DOCK4: variants seen among roughly 807,000 people sequenced by gnomAD.
DOCK4 encodes the protein dedicator of cytokinesis protein 4.
DOCK4 carries 97 observed loss-of-function variants against 268.1 expected under a neutral mutation model. The ratio of observed to expected loss-of-function variants is 0.36; its 90% CI spans 0.31 to 0.43. DOCK4 has a LOEUF of 0.43. Ranked by LOEUF, DOCK4 falls within the 20% of genes least tolerant of loss-of-function variation. The probability of loss-of-function intolerance (pLI) is 1.00; values close to 1 mark genes in which losing one functional copy is unlikely to be tolerated. For synonymous variants in DOCK4, 954 were observed against 887.2 expected, an observed-to-expected ratio of 1.08 and a Z score of -1.34; for missense variants, 2,145 against 2,455.7, an observed-to-expected ratio of 0.87 and a Z score of 2.67.
intron 27 of DOCK4, among the ~76,000 whole-genome samples, chr7:111,822,052 T>C (rs1586089944): frequency 6.6e-6 from 1 of 152,320 alleles, no homozygotes; most frequent in East Asian, 1.9e-4. Flanking sequence ...CATTACCTGC[T>C]GGTCTCTGTA....
chr7:112,091,826 C>G (rs184779955), intron 1 of DOCK4, among the ~76,000 whole-genome samples: 20 of 152,166 alleles, frequency 1.3e-4, no homozygotes, highest in African/African-American at 4.8e-4. Context: ...CCTGCACTTT[C>G]TGAAGGCATC....
intron 17 of DOCK4, among the ~76,000 whole-genome samples, chr7:111,872,844 G>A (rs563960133): frequency 1.3e-5 from 2 of 152,184 alleles, no homozygotes; most frequent in Admixed American, 6.5e-5. Context: ...CTGAAATCTC[G>A]AGCTAACTGT....
intron 27 of DOCK4, among the ~76,000 whole-genome samples, chr7:111,813,190 G>A (rs1334239423): frequency 6.6e-6 from 1 of 152,154 alleles, no homozygotes. Context: ...TGTAATGAGT[G>A]TGTGATATGG....
At chr7:111,841,839 A>G (rs1803721578) in intron 25 of DOCK4, among the ~76,000 whole-genome samples, 1 of 152,192 alleles carries the variant, frequency 6.6e-6, no homozygotes, top group African/African-American at 2.4e-5. Context: ...TACTTATTAC[A>G]CTGTATGGCC....
At chr7:111,960,320 C>T (rs1214651715) in intron 8 of DOCK4, among the ~76,000 whole-genome samples, 8 of 148,770 alleles carry the variant, frequency 5.4e-5, no homozygotes, top group Non-Finnish European at 1.0e-4. Flanking sequence ...GCCGAGATCG[C>T]GCCACTGCAC....
intron 1 of DOCK4, among the ~76,000 whole-genome samples, chr7:112,112,485 T>C (rs1016632709): frequency 6.6e-6 from 1 of 151,636 alleles, no homozygotes; most frequent in African/African-American, 2.4e-5. Flanking sequence ...CTACTAAAAA[T>C]ACAAAAAAAC....
chr7:111,746,123 G>A (rs1409360468), intron 44 of DOCK4, among the ~76,000 whole-genome samples: 1 of 152,144 alleles, frequency 6.6e-6, no homozygotes, highest in Non-Finnish European at 1.5e-5. Context: ...GTAACTGGCT[G>A]CCATAGTCTA....
chr7:112,009,109 G>GC (rs1328632787), intron 1 of DOCK4, among the ~76,000 whole-genome samples: 1 of 152,138 alleles, frequency 6.6e-6, no homozygotes. Context: ...ATTCTACTTG[G>GC]CACAGGTCAA....
At chr7:112,072,943 G>T (rs73210926) in intron 1 of DOCK4, among the ~76,000 whole-genome samples, 4,173 of 152,244 alleles carry the variant, frequency 0.027, 141 homozygotes, top group East Asian at 0.068. Context: ...CCCCTCCCAC[G>T]TGCTGGCAGG....
rs760972400 is a variant in DOCK4 at position 111,935,438 on chromosome 7, A to G, written c.1066+102T>C. The G allele has an allele frequency of 5.1e-6, 5 of 987,100 alleles. No homozygotes were observed. In the Admixed American group the frequency reaches 7.1e-5, roughly 14 times the overall value. The allele number at this position is 987,100 out of a possible 1,614,324, so 61.1% of individuals were successfully genotyped here. ...ATTTTTAAAGTTAGGGAGTGAATAG[A>G]CAGAAAAACAAAGGGCTGATAATTT... On this transcript the variant is annotated intron_variant, in intron 12 of 52. Transcript: ENST00000428084.
rs1802009448 is a variant in DOCK4, at chr7:112,018,177, A to AAAAAAAAAAAC, written c.38-14047_38-14046insGTTTTTTTTTT. Among the ~76,000 whole-genome samples, 2 of 82,406 alleles carry AAAAAAAAAAAC rather than the reference A, an allele frequency of 2.4e-5. 1 individual carries two copies. Among genetic ancestry groups the AAAAAAAAAAAC allele is most frequent in the Non-Finnish European group, 5.9e-5 (2 of 33,834 alleles). The allele number at this position is 82,406 out of a possible 152,430, so 54.1% of individuals were successfully genotyped here. On this transcript the variant is annotated intron_variant, in intron 1 of 52. Transcript: ENST00000428084. ...AAAAAAAAAAAAAAAAAAAAAAAAA[A>AAAAAAAAAAAC]AAACACAGGCAACCAGTATTCATGT...
At chr7:111,817,206 G>A (rs1034630644) in intron 27 of DOCK4, among the ~76,000 whole-genome samples, 7 of 152,194 alleles carry the variant, frequency 4.6e-5, no homozygotes, top group African/African-American at 1.4e-4. Flanking sequence ...AACTATTCAA[G>A]TTTGGCACAT....
intron 39 of DOCK4, among the ~76,000 whole-genome samples, chr7:111,764,176 C>T (rs563039449): frequency 1.3e-5 from 2 of 152,316 alleles, no homozygotes; most frequent in Admixed American, 6.5e-5. Context: ...ATCTGTTCCA[C>T]GTGATACTAA....
Position 111,945,748 on chromosome 7 carries a change from T to G in DOCK4, c.752A>C (p.Asp251Ala), listed in dbSNP as rs1272261315. 2 of 1,599,462 alleles carry G rather than the reference T, an allele frequency of 1.3e-6. No individual in the cohort carries two copies. The highest frequency in any genetic ancestry group is 3.4e-5 in the Admixed American group (2 of 58,248). ...LNRNGLPKAPDKPERHCSLFV... is the reference protein window; with the variant it reads ...LNRNGLPKAPAKPERHCSLFV... ...GAGGGAGCAATGTCGTTCCGGTTTATCAGGGGCTTTGGGAAGCCCGTTTCT... is the reference window on the plus strand; with the variant it reads ...GAGGGAGCAATGTCGTTCCGGTTTAGCAGGGGCTTTGGGAAGCCCGTTTCT... The change falls in exon 9 of 53, where the codon GAT becomes GCT. Residue 251 changes from aspartate (D) to alanine (A), a missense_variant. Around this residue, in one of 2 missense-constraint regions of DOCK4, gnomAD observed 1,598 missense variants for 1,986.7 expected, o/e 0.80. Coordinates refer to ENST00000428084, the MANE Select transcript of DOCK4 (RefSeq NM_001363540.2).
At chr7:111,829,776 G>A (rs1312220443) in intron 26 of DOCK4, among the ~76,000 whole-genome samples, 5 of 152,188 alleles carry the variant, frequency 3.3e-5, no homozygotes, top group Non-Finnish European at 5.9e-5. Context: ...TTGCTGTTTA[G>A]AGGTCTTCAC....
chr7:111,986,457 T>G (rs889853485), intron 6 of DOCK4, among the ~76,000 whole-genome samples: 1 of 152,202 alleles, frequency 6.6e-6, no homozygotes, highest in Non-Finnish European at 1.5e-5. Flanking sequence ...CCTAGGTACA[T>G]CTTCCCATGG....
At chr7:112,192,045 T>G (rs1031081785) in intron 1 of DOCK4, among the ~76,000 whole-genome samples, 3 of 148,186 alleles carry the variant, frequency 2.0e-5, no homozygotes, top group Non-Finnish European at 4.5e-5. Flanking sequence ...AAATATAGTA[T>G]ATATACAGTG....
chr7:112,121,466 GT>G (rs1194713979), intron 1 of DOCK4, among the ~76,000 whole-genome samples: 14 of 152,094 alleles, frequency 9.2e-5, no homozygotes, highest in Non-Finnish European at 1.8e-4. Context: ...CAGGGGCAAG[GT>G]TCCTTCTCTC....
chr7:111,846,003 G>A (rs1804068912), intron 24 of DOCK4, among the ~76,000 whole-genome samples: 1 of 152,096 alleles, frequency 6.6e-6, no homozygotes. Context: ...ATGGGGGTGG[G>A]AAAAAGTCAA....
Sources: allele counts gnomAD v4.1 joint callset (sites outside exome capture counted in the v4.1 genomes callset), GRCh38; gene constraint gnomAD v4.1.1; regional missense constraint gnomAD v4.1.1; transcripts MANE v1.5; gene names NCBI Gene and HGNC (gene_info 2026-07-23, HGNC 2026-07-21).